The following RBFOX1 variants were observed in gnomAD, a reference collection of about 807,000 sequenced individuals.
RBFOX1 encodes the protein RNA binding protein fox-1 homolog 1.
RBFOX1 carries 8 observed loss-of-function variants against 57.7 expected under a neutral mutation model. The observed-to-expected ratio is 0.14, with a 90% CI of 0.08 to 0.25. The LOEUF (loss-of-function observed/expected upper bound fraction) is 0.25, where lower values mean the gene tolerates loss of function less well. Among genes scored for constraint, RBFOX1 ranks in the 10% least tolerant of loss-of-function variants. The pLI, the probability that RBFOX1 is intolerant of heterozygous loss-of-function variation, is 1.00. For synonymous variants in RBFOX1, 326 were observed against 222.4 expected (o/e 1.47, Z -4.15); for missense variants, 611 against 548.5 (o/e 1.11, Z -1.14).
intron 1 of RBFOX1, among the ~76,000 whole-genome samples, chr16:5,265,285 A>G (rs572091698): frequency 3.4e-4 from 51 of 152,216 alleles, no homozygotes; most frequent in Admixed American, 3.1e-3. Context: ...TCTTGAAGAG[A>G]CATTGATAAA....
chr16:7,331,848 C>G (rs2096701874), intron 4 of RBFOX1, among the ~76,000 whole-genome samples: 1 of 151,994 alleles, frequency 6.6e-6, no homozygotes, highest in Non-Finnish European at 1.5e-5. Flanking sequence ...ATGTCATCCC[C>G]TAGGAATTTA....
intron 2 of RBFOX1, among the ~76,000 whole-genome samples, chr16:6,557,769 C>T (rs543490828): frequency 6.6e-6 from 1 of 152,274 alleles, no homozygotes; most frequent in African/African-American, 2.4e-5. Flanking sequence ...AAATTTCAGA[C>T]GGTTCCATGT....
chr16:6,534,493 G>A lies in RBFOX1; in HGVS notation c.-63-120110G>A, dbSNP rs1350566753. ...TTACCTCTAGGCTGTCCACAAAATG[G>A]AGATGTGTGAATCATGCTTTTCATG... On this transcript the variant is annotated intron_variant, in intron 2 of 15. Coordinates refer to ENST00000550418, the MANE Select transcript of RBFOX1 (RefSeq NM_018723.4). Among the ~76,000 whole-genome samples the A allele has an allele frequency of 2.0e-5, 3 of 152,190 alleles. 1 individual carries two copies. Among genetic ancestry groups the A allele is most frequent in the Non-Finnish European group, 4.4e-5 (3 of 68,006 alleles).
chr16:5,823,970 C>T (rs547833805), intron 3 of RBFOX1, among the ~76,000 whole-genome samples: 1 of 152,314 alleles, frequency 6.6e-6, no homozygotes, highest in East Asian at 1.9e-4. Context: ...AAACCAGTCC[C>T]TGGTGCCAAA....
rs140513499 is a variant in RBFOX1, at chr16:5,997,655, T to A, written c.351+130320T>A. Among the ~76,000 whole-genome samples the A allele has an allele frequency of 3.1e-3, 470 of 152,284 alleles. 4 individuals carry two copies. The highest frequency in any genetic ancestry group is 0.011 in the African/African-American group (451 of 41,562). The stretch of plus-strand genomic sequence containing the variant: ...GAATTATGCCAAGGAAAACAAAATA[T>A]TGATTTCAGCTTTAAAGTTGGAAGA... On this transcript the variant is annotated intron_variant, in intron 4 of 19. Transcript: ENST00000641259.
At chr16:6,842,007 G>A (rs1408162731) in intron 3 of RBFOX1, among the ~76,000 whole-genome samples, 1 of 151,830 alleles carries the variant, frequency 6.6e-6, no homozygotes, top group East Asian at 1.9e-4. Context: ...GCCGGGCGTG[G>A]TGGCGGGCGC....
At chr16:6,898,533 A>C (rs1202928764) in intron 3 of RBFOX1, among the ~76,000 whole-genome samples, 1 of 152,178 alleles carries the variant, frequency 6.6e-6, no homozygotes, top group Non-Finnish European at 1.5e-5. Context: ...TACAGACGCA[A>C]AGGAAACAGA....
chr16:7,438,971 C>A (rs2098744072), intron 4 of RBFOX1, among the ~76,000 whole-genome samples: 1 of 152,146 alleles, frequency 6.6e-6, no homozygotes, highest in Non-Finnish European at 1.5e-5. Flanking sequence ...TGAGAAGCAC[C>A]TGTATGTAGA....
intron 4 of RBFOX1, among the ~76,000 whole-genome samples, chr16:7,088,798 C>G (rs1249024270): frequency 1.3e-5 from 2 of 152,096 alleles, no homozygotes; most frequent in Admixed American, 6.6e-5. Flanking sequence ...GCAGGTGTTC[C>G]CTGCTTTGCC....
Position 7,362,512 on chromosome 16 carries a change from TTG to T in RBFOX1, c.28-155629_28-155628del, listed in dbSNP as rs1465784165. ...GTATATGTTAGTATGTGCATGTTTT[TTG>T]TGTGTTTACATGTGTGTCAGTGTGT... is the stretch of plus-strand genomic sequence containing the variant. On this transcript the variant is annotated intron_variant, in intron 4 of 15. Coordinates refer to ENST00000550418, the MANE Select transcript of RBFOX1 (RefSeq NM_018723.4). Among the ~76,000 whole-genome samples the T allele has an allele frequency of 6.3e-4, 90 of 142,364 alleles. 1 individual carries two copies. 93.4% of individuals were successfully genotyped at this position (142,364 alleles called of 152,430 possible).
At chr16:7,634,442 T>C (rs1281227080) in intron 11 of RBFOX1, among the ~76,000 whole-genome samples, 5 of 151,752 alleles carry the variant, frequency 3.3e-5, no homozygotes, top group Admixed American at 1.3e-4. Flanking sequence ...TAGCTAATCA[T>C]CTGTAAATAA....
intron 3 of RBFOX1, among the ~76,000 whole-genome samples, chr16:6,918,254 C>T (rs960314662): frequency 6.7e-6 from 1 of 150,366 alleles, no homozygotes; most frequent in East Asian, 2.0e-4. Context: ...TGCAATCCAG[C>T]CTGGGTGACA....
intron 2 of RBFOX1, among the ~76,000 whole-genome samples, chr16:6,642,624 A>G (rs1321333835): frequency 6.6e-6 from 1 of 151,004 alleles, no homozygotes; most frequent in Non-Finnish European, 1.5e-5. Context: ...AAGAAAACAA[A>G]ATAACTCACA....
intron 1 of RBFOX1, among the ~76,000 whole-genome samples, chr16:6,187,926 A>G (rs1364275016): frequency 2.0e-5 from 3 of 152,210 alleles, no homozygotes; most frequent in African/African-American, 7.2e-5. Context: ...ATGTGCGTGC[A>G]TATGTGTGCA....
chr16:6,573,193 C>T (rs1206206866), intron 2 of RBFOX1, among the ~76,000 whole-genome samples: 2 of 152,136 alleles, frequency 1.3e-5, no homozygotes, highest in Admixed American at 1.3e-4. Flanking sequence ...TGAAGGGAAA[C>T]AGTGCCCTTT....
chr16:7,261,164 G>A (rs193215193), intron 4 of RBFOX1, among the ~76,000 whole-genome samples: 3 of 152,154 alleles, frequency 2.0e-5, no homozygotes, highest in Non-Finnish European at 2.9e-5. Context: ...AGCTCCAGCC[G>A]CAGTTCTTGC....
At chr16:6,439,905 A>G (rs1054474006) in intron 2 of RBFOX1, among the ~76,000 whole-genome samples, 1 of 148,446 alleles carries the variant, frequency 6.7e-6, no homozygotes, top group African/African-American at 2.6e-5. Flanking sequence ...TTCAATGAAA[A>G]TGCAAAAACA....
intron 3 of RBFOX1, among the ~76,000 whole-genome samples, chr16:6,892,915 C>G (rs1158927120): frequency 1.3e-5 from 2 of 151,862 alleles, no homozygotes; most frequent in South Asian, 2.1e-4. Flanking sequence ...GTCTTTGCTC[C>G]TCAGCTATTC....
chr16:5,909,487 T>C (rs531806801), intron 4 of RBFOX1, among the ~76,000 whole-genome samples: 1 of 152,320 alleles, frequency 6.6e-6, no homozygotes, highest in East Asian at 1.9e-4. Flanking sequence ...GGGCCTCCCG[T>C]CAGTCAGTCC....
Sources: allele counts gnomAD v4.1 joint callset (sites outside exome capture counted in the v4.1 genomes callset), GRCh38; gene constraint gnomAD v4.1.1; transcripts MANE v1.5; gene names NCBI Gene and HGNC (gene_info 2026-07-23, HGNC 2026-07-21).